The following CS variants were observed in gnomAD, a reference collection of about 807,000 sequenced individuals.
CS encodes the protein citrate synthase, mitochondrial.
CS carries 13 observed loss-of-function variants against 61.4 expected under a neutral mutation model. The observed-to-expected ratio is 0.21, with a 90% CI of 0.14 to 0.34. The LOEUF (loss-of-function observed/expected upper bound fraction) is 0.34, where lower values mean the gene tolerates loss of function less well. CS is among the 10% of genes least tolerant of loss of function. The probability of loss-of-function intolerance (pLI) is 1.00; values close to 1 mark genes in which losing one functional copy is unlikely to be tolerated. For missense variants in CS, 278 were observed against 573.4 expected (o/e 0.48, Z 5.26); for synonymous variants, 159 against 215.2 (o/e 0.74, Z 2.29).
rs1449188047 is a variant in CS, at chr12:56,283,870, A to C, written c.202-13T>G. ...TGCCACCATACATCTAAAGAGGATG[A>C]AGAAAGAAGGAAAAAAAAAAGAGGC... On this transcript the variant is annotated splice_polypyrimidine_tract_variant and intron_variant, in intron 3 of 10. Transcript: ENST00000351328. 22 of 1,603,986 alleles carry C rather than the reference A, an allele frequency of 1.4e-5. No homozygotes were observed. The highest frequency in any genetic ancestry group is 1.9e-5 in the Non-Finnish European group (22 of 1,172,378).
At chr12:56,280,539 A>G (rs569743914) in intron 6 of CS, among the ~76,000 whole-genome samples, 1 of 151,614 alleles carries the variant, frequency 6.6e-6, no homozygotes, top group African/African-American at 2.4e-5. Context: ...AGGCAGGAGG[A>G]TCACTTGAGT....
At chr12:56,287,342 G>A (rs1872969720) in intron 1 of CS, among the ~76,000 whole-genome samples, 1 of 151,888 alleles carries the variant, frequency 6.6e-6, no homozygotes, top group Non-Finnish European at 1.5e-5. Flanking sequence ...AGCCAGGCGT[G>A]GTATGGGCAG....
intron 7 of CS, 143 bp from the exon 8 acceptor site, chr12:56,275,274 T>A: frequency 1.0e-6 from 1 of 974,768 alleles, no homozygotes; most frequent in Non-Finnish European, 1.5e-6. Flanking sequence ...TAAACTCTTG[T>A]AAAAGACATC....
At chr12:56,283,099 T>A in intron 4 of CS, 108 bp from the exon 5 acceptor site, 3 of 1,251,398 alleles carry the variant, frequency 2.4e-6, no homozygotes, top group Non-Finnish European at 3.4e-6. Context: ...CTTTTTATGT[T>A]AATTATTATT....
chr12:56,277,725 G>T (rs980042819), intron 6 of CS, among the ~76,000 whole-genome samples: 2 of 149,722 alleles, frequency 1.3e-5, no homozygotes, highest in Admixed American at 6.6e-5. Flanking sequence ...CCGCCTCCCG[G>T]GTTCACGCCA....
At chr12:56,285,666 T>C (rs1372784351) in intron 3 of CS, among the ~76,000 whole-genome samples, 1 of 152,108 alleles carries the variant, frequency 6.6e-6, no homozygotes, top group Non-Finnish European at 1.5e-5. Context: ...TACCCTCAAA[T>C]TCCAACCAAT....
rs139135954 is a variant in CS, at chr12:56,276,641, A to G, written c.589-446T>C. Among the ~76,000 whole-genome samples, 179 of 152,290 alleles carry G rather than the reference A, an allele frequency of 1.2e-3. 1 individual carries two copies. In the East Asian group the frequency reaches 0.028, roughly 24 times the overall value. ...ACTGCAACCTCCGCCTCCCAAGTTC[A>G]AGTGATTCTCCTGCCTCAGCCTCCT... On this transcript the variant is annotated intron_variant, in intron 6 of 10. Transcript: ENST00000351328.
chr12:56,282,836 G>C (rs1872815777), intron 5 of CS, 24 bp downstream of exon 5: 2 of 1,613,140 alleles, frequency 1.2e-6, no homozygotes, highest in East Asian at 2.2e-5. Context: ...AATGAGAAGA[G>C]CTAATAATAT....
Position 56,273,187 on chromosome 12 carries a change from A to G in CS, c.1298T>C (p.Leu433Pro). The change falls in exon 11 of 11, where the codon CTG becomes CCG. Residue 433 changes from leucine to proline, a missense_variant. Leu to Pro is a moderately conservative substitution (Grantham distance 98, BLOSUM62 -3). Around this residue, in one of 2 missense-constraint regions of CS, gnomAD observed 223 missense variants for 503.5 expected, o/e 0.44. Coordinates refer to ENST00000351328, the MANE Select transcript of CS (RefSeq NM_004077.3). ...LFGVSRALGV[L>P]AQLIWSRALG... The stretch of plus-strand genomic sequence containing the variant: ...GGCTCGGCTCCAGATGAGCTGTGCC[A>G]GTACACCCAATGCTCGTGACACCCC... 1 of 1,614,080 alleles carries G rather than the reference A, an allele frequency of 6.2e-7. No homozygotes were observed. The highest frequency in any genetic ancestry group is 8.5e-7 in the Non-Finnish European group (1 of 1,179,906).
chr12:56,280,118 T>G (rs1872731178), intron 6 of CS, among the ~76,000 whole-genome samples: 1 of 148,660 alleles, frequency 6.7e-6, no homozygotes. Context: ...ATGGTGAAAC[T>G]CTATTAAAAA....
At chr12:56,292,822 T>C (rs1262065655) in intron 1 of CS, among the ~76,000 whole-genome samples, 5 of 149,452 alleles carry the variant, frequency 3.3e-5, no homozygotes, top group Admixed American at 3.3e-4. Flanking sequence ...GAGAATGGCG[T>C]GAACCTGGGA....
chr12:56,281,844 C>T (rs2135915300), intron 6 of CS, among the ~76,000 whole-genome samples: 1 of 152,202 alleles, frequency 6.6e-6, no homozygotes, highest in East Asian at 1.9e-4. Flanking sequence ...TGTGTACATA[C>T]CTCTGTTACA....
chr12:56,283,866 G>T lies in CS; in HGVS notation c.202-9C>A. On this transcript the variant is annotated splice_polypyrimidine_tract_variant and intron_variant, in intron 3 of 10. Transcript: ENST00000351328. ...CTCATGCCACCATACATCTAAAGAG[G>T]ATGAAGAAAGAAGGAAAAAAAAAAG... The T allele has an allele frequency of 6.2e-7, 1 of 1,601,526 alleles. No individual in the cohort carries two copies. Among genetic ancestry groups the T allele is most frequent in the Non-Finnish European group, 8.5e-7 (1 of 1,171,082 alleles).
At chr12:56,280,426 A>AAAAAC (rs1565620553) in intron 6 of CS, among the ~76,000 whole-genome samples, 16 of 73,572 alleles carry the variant, frequency 2.2e-4, no homozygotes, top group Middle Eastern at 0.014. Context: ...CAAAAAAAAC[A>AAAAAC]AAAAAAAAAA....
At chr12:56,286,080 C>T in intron 2 of CS, 57 bp from the exon 3 acceptor site, 1 of 1,455,010 alleles carries the variant, frequency 6.9e-7, no homozygotes, top group Non-Finnish European at 9.6e-7. Context: ...AGATTTCCTG[C>T]AAAGTAGGTG....
intron 6 of CS, among the ~76,000 whole-genome samples, chr12:56,280,436 AAC>A: frequency 6.7e-6 from 1 of 148,282 alleles, no homozygotes; most frequent in East Asian, 2.0e-4. Flanking sequence ...AAAAAAAAAA[AAC>A]AAAAAAATTA....
chr12:56,278,458 G>T lies in CS; in HGVS notation c.589-2263C>A, dbSNP rs117350652. On this transcript the variant is annotated intron_variant, in intron 6 of 10. Transcript: ENST00000351328. ...CACTTTTTAAAAAGTTGATAAACAG[G>T]CCAAGCACGGTGGCTCACACCTGTA... Among the ~76,000 whole-genome samples the T allele has an allele frequency of 5.4e-3, 822 of 152,210 alleles. 4 individuals carry two copies. Among genetic ancestry groups the T allele is most frequent in the Non-Finnish European group, 8.5e-3 (576 of 68,020 alleles).
In CS at chr12:56,271,955, A is replaced by AAC; in HGVS notation, c.*1128_*1129insGT. 3 of 454,838 alleles carry AAC rather than the reference A, an allele frequency of 6.6e-6. No individual in the cohort carries two copies. The highest frequency in any genetic ancestry group is 1.6e-5 in the South Asian group (1 of 64,192). The allele number at this position is 454,838 out of a possible 1,614,324, so 28.2% of individuals were successfully genotyped here. ...AACCTGTGCAAATGGGGCTTCTGAA[A>AAC]CATTGTACTGTGAGCTCTCAGGGAA... On this transcript the variant is annotated 3_prime_UTR_variant, in exon 11 of 11. Transcript: ENST00000351328.
At chr12:56,298,759 G>T in intron 1 of CS, 1 of 779,504 alleles carries the variant, frequency 1.3e-6, no homozygotes, top group Non-Finnish European at 1.6e-6. Flanking sequence ...CGCACAGCAG[G>T]CCAGGTGCAG....
Sources: allele counts gnomAD v4.1 joint callset (sites outside exome capture counted in the v4.1 genomes callset), GRCh38; gene constraint gnomAD v4.1.1; regional missense constraint gnomAD v4.1.1; transcripts MANE v1.5; gene names NCBI Gene and HGNC (gene_info 2026-07-23, HGNC 2026-07-21).